The following ZFHX3 variants were observed in gnomAD, a reference collection of about 807,000 sequenced individuals.
The protein encoded by ZFHX3 is zinc finger homeobox 3.
A neutral mutation model predicts 279.1 loss-of-function variants in ZFHX3; 42 were observed. The observed-to-expected ratio is 0.15, with a 90% confidence interval of 0.12 to 0.19. The LOEUF (loss-of-function observed/expected upper bound fraction) is 0.19. Ranked by LOEUF, ZFHX3 falls within the 10% of genes least tolerant of loss-of-function variation. The pLI, the probability that ZFHX3 is intolerant of heterozygous loss-of-function variation, is 1.00. For synonymous variants in ZFHX3, 2,293 were observed against 1,957.8 expected (o/e 1.17, Z -4.52); for missense variants, 4,981 against 4,754.0 (o/e 1.05, Z -1.40).
chr16:73,404,359 G>C (rs1008930498), intron 3 of ZFHX3, among the ~76,000 whole-genome samples: 1 of 152,200 alleles, frequency 6.6e-6, no homozygotes, highest in Non-Finnish European at 1.5e-5. Context: ...AGACATGAAA[G>C]TGACCATCTT....
At chr16:73,469,083 A>T (rs2018619146) in intron 2 of ZFHX3, among the ~76,000 whole-genome samples, 1 of 152,224 alleles carries the variant, frequency 6.6e-6, no homozygotes, top group African/African-American at 2.4e-5. Context: ...TGTAGAGGCC[A>T]CTGTTAAAAT....
intron 5 of ZFHX3, among the ~76,000 whole-genome samples, chr16:72,815,955 CTGAG>C (rs1336975625): frequency 6.6e-6 from 1 of 152,172 alleles, no homozygotes; most frequent in Non-Finnish European, 1.5e-5. Flanking sequence ...GGCCATTCTA[CTGAG>C]TATTAGAAGA....
At chr16:73,559,399 A>G (rs1020541878) in intron 2 of ZFHX3, among the ~76,000 whole-genome samples, 4 of 152,142 alleles carry the variant, frequency 2.6e-5, no homozygotes, top group Non-Finnish European at 4.4e-5. Context: ...GCTCACTGAA[A>G]GACACTGCGT....
intron 2 of ZFHX3, among the ~76,000 whole-genome samples, chr16:73,465,083 T>G (rs1029450983): frequency 1.8e-4 from 28 of 152,200 alleles, no homozygotes; most frequent in African/African-American, 5.5e-4. Flanking sequence ...CTTGCTCATC[T>G]GTGTCTCCTC....
chr16:73,674,438 G>A (rs2052933735), intron 2 of ZFHX3, among the ~76,000 whole-genome samples: 1 of 152,204 alleles, frequency 6.6e-6, no homozygotes, highest in Admixed American at 6.5e-5. Flanking sequence ...AACACACTGT[G>A]TAAGCTTAGA....
Position 72,831,478 on chromosome 16 carries a change from C to T in ZFHX3, c.3449-1619G>A, listed in dbSNP as rs148383680. Among the ~76,000 whole-genome samples the T allele has an allele frequency of 6.9e-3, 1,055 of 152,306 alleles. 7 individuals are homozygous for T. The highest frequency in any genetic ancestry group is 0.012 in the Admixed American group (178 of 15,294). ...TCAACATCAAGTTTCCCTACCCTAC[C>T]CTTAGTTCAAACAGAGAAAAATCAG... On this transcript the variant is annotated intron_variant, in intron 4 of 9. Transcript: ENST00000268489.
chr16:73,880,177 T>C lies in ZFHX3; in HGVS notation c.-1608+11474A>G, dbSNP rs375973879. Among the ~76,000 whole-genome samples, 10 of 152,194 alleles carry C rather than the reference T, an allele frequency of 6.6e-5. No homozygotes were observed. The East Asian group carries it at 1.6e-3, about 24-fold the overall frequency. On this transcript the variant is annotated intron_variant, in intron 1 of 17. Transcript: ENST00000641206. ...GAAACAAAAGGAAGAGGTTGGCTCATGGAAGGTCGCTGTCAGATTTGCCCC... is the reference window on the plus strand; with the variant it reads ...GAAACAAAAGGAAGAGGTTGGCTCACGGAAGGTCGCTGTCAGATTTGCCCC...
chr16:72,833,495 A>C (rs1400882341), intron 4 of ZFHX3, among the ~76,000 whole-genome samples: 1 of 152,208 alleles, frequency 6.6e-6, no homozygotes, highest in African/African-American at 2.4e-5. Flanking sequence ...TTTATCTGGA[A>C]AATCCTGTCT....
chr16:72,958,941 T>A lies in ZFHX3; in HGVS notation c.1205A>T (p.Asn402Ile). 6.3e-7 allele frequency: 1 copy of A among 1,598,430 alleles called. No individual in the cohort carries two copies. The highest frequency in any genetic ancestry group is 8.5e-7 in the Non-Finnish European group (1 of 1,172,190). ...TACCGAGCTGGTGAGCCCGCCAAGG[T>A]TCAACAGGGTGCTGGGGGTCAAGAG... ...AGLLTPSTLL[N>I]LGGLTSSVLK... is the part of the protein sequence containing the mutation. The change falls in exon 2 of 10, where the codon AAC (asparagine) becomes ATC (isoleucine). Residue 402 changes from asparagine (N) to isoleucine (I), a missense_variant. Coordinates refer to ENST00000268489, the MANE Select transcript of ZFHX3 (RefSeq NM_006885.4).
chr16:73,072,374 G>A (rs1409237850), intron 8 of ZFHX3, among the ~76,000 whole-genome samples: 1 of 151,778 alleles, frequency 6.6e-6, no homozygotes, highest in Non-Finnish European at 1.5e-5. Flanking sequence ...AACCCAGGGG[G>A]TGGAAGTTGC....
Position 72,797,655 on chromosome 16 carries a change from C to T in ZFHX3, c.5027G>A (p.Ser1676Asn). The change falls in exon 9 of 10, where the codon AGC becomes AAC. Residue 1676 changes from serine to asparagine, a missense_variant. This residue lies in a region of ZFHX3 where 1,751 missense variants were observed against 1,770.0 expected (regional missense o/e 0.99). Coordinates refer to ENST00000268489, the MANE Select transcript of ZFHX3 (RefSeq NM_006885.4). The stretch of plus-strand genomic sequence containing the variant: ...GGGCACTTGGCTTAGTAAGTTAGAG[C>T]TTGGAGCAATGCCAGCACTGCTTGG... ...SNPSSAGIAPSSNLLSQVPTE... is the reference protein window; with the variant it reads ...SNPSSAGIAPNSNLLSQVPTE... 1 of 1,614,128 alleles carries T rather than the reference C, an allele frequency of 6.2e-7. No homozygotes were observed.
intron 5 of ZFHX3, among the ~76,000 whole-genome samples, chr16:73,238,634 C>T (rs1332964823): frequency 6.6e-6 from 1 of 152,140 alleles, no homozygotes; most frequent in African/African-American, 2.4e-5. Context: ...ACAGAAAGTG[C>T]AAATGTGATT....
chr16:72,790,109 C>A (rs2035632731), intron 9 of ZFHX3: 1 of 152,280 alleles, frequency 6.6e-6, no homozygotes, highest in Non-Finnish European at 1.5e-5. Flanking sequence ...ATAGCTATCT[C>A]CTGGTTTGAG....
chr16:73,484,343 A>C (rs868044288), intron 2 of ZFHX3, among the ~76,000 whole-genome samples: 26 of 152,188 alleles, frequency 1.7e-4, no homozygotes, highest in African/African-American at 5.6e-4. Flanking sequence ...TCTCTTAACA[A>C]TTCAGACATG....
At chr16:73,661,999 C>T (rs928695182) in intron 2 of ZFHX3, among the ~76,000 whole-genome samples, 32 of 112,720 alleles carry the variant, frequency 2.8e-4, no homozygotes, top group Admixed American at 1.8e-3. Context: ...ATAGACACAA[C>T]GGACCAATTT....
At chr16:72,980,749 G>A (rs1221429979) in intron 1 of ZFHX3, among the ~76,000 whole-genome samples, 1 of 152,082 alleles carries the variant, frequency 6.6e-6, no homozygotes, top group Admixed American at 6.5e-5. Flanking sequence ...GTGAGACCTT[G>A]TCTCAAAAAA....
chr16:73,308,039 G>C (rs561511601), intron 4 of ZFHX3, among the ~76,000 whole-genome samples: 1 of 151,772 alleles, frequency 6.6e-6, no homozygotes, highest in Admixed American at 6.6e-5. Context: ...AAGGCTAAAG[G>C]ATATAAACAG....
chr16:72,889,954 C>T lies in ZFHX3; in HGVS notation c.3225G>A (p.Gln1075=). ...EASLKLYKHL[Q]QHESGVEGES... is the part of the protein sequence containing the mutation. ...CACCTTCTACACCACTCTCATGCTG[C>T]TGCAGGTGCTGCAAGTAACAAAAGA... Residue 1075 remains glutamine (Q), a synonymous_variant, in exon 4 of 10, where the codon CAG becomes CAA. Coordinates refer to ENST00000268489, the MANE Select transcript of ZFHX3 (RefSeq NM_006885.4). The T allele has an allele frequency of 6.2e-7, 1 of 1,612,812 alleles. No individual in the cohort carries two copies. Among genetic ancestry groups the T allele is most frequent in the Admixed American group, 1.7e-5 (1 of 59,876 alleles).
At chr16:72,926,572 G>A (rs1959458014) in intron 3 of ZFHX3, among the ~76,000 whole-genome samples, 1 of 152,148 alleles carries the variant, frequency 6.6e-6, no homozygotes. Flanking sequence ...TCGGAGTATG[G>A]ATACTAATTG....
Sources: gnomAD v4.1 joint callset for allele counts (sites outside exome capture counted in the v4.1 genomes callset) on GRCh38, gnomAD v4.1.1 for gene constraint, gnomAD v4.1.1 regional missense constraint, MANE v1.5 for transcripts, NCBI Gene and HGNC (gene_info 2026-07-23, HGNC 2026-07-21) for gene names.